Variants in KSR1 observed in about 807,000 individuals in gnomAD.
The protein encoded by KSR1 is kinase suppressor of ras.
Under a neutral mutation model 92.9 loss-of-function variants are expected in KSR1, and 35 were observed. The ratio of observed to expected loss-of-function variants is 0.38; its 90% CI spans 0.29 to 0.50. The LOEUF (loss-of-function observed/expected upper bound fraction) is 0.50. Among genes scored for constraint, KSR1 ranks in the 20% least tolerant of loss-of-function variants. The probability of loss-of-function intolerance (pLI) is 0.94; values close to 1 mark genes in which losing one functional copy is unlikely to be tolerated. For synonymous variants in KSR1, 467 were observed against 472.6 expected (o/e 0.99, Z 0.15); for missense variants, 972 against 1,158.5 (o/e 0.84, Z 2.34).
chr17:27,604,900 G>C (rs972540238), intron 13 of KSR1, among the ~76,000 whole-genome samples, 172 bp downstream of exon 13: 8 of 152,196 alleles, frequency 5.3e-5, no homozygotes, highest in Non-Finnish European at 1.2e-4. Flanking sequence ...ATGCAATGGA[G>C]CAAGCTTGTC....
chr17:27,467,922 C>T (rs1464203635), intron 1 of KSR1, among the ~76,000 whole-genome samples: 1 of 151,724 alleles, frequency 6.6e-6, no homozygotes, highest in Non-Finnish European at 1.5e-5. Flanking sequence ...TTCCATTCTC[C>T]TGCCACAGCC....
At chr17:27,595,861 A>G (rs2073328652) in intron 9 of KSR1, among the ~76,000 whole-genome samples, 2 of 152,020 alleles carry the variant, frequency 1.3e-5, no homozygotes, top group Admixed American at 1.3e-4. Flanking sequence ...GGCCACAGGC[A>G]TCCTGAAGCC....
At chr17:27,560,010 G>GCA (rs2071757413) in intron 2 of KSR1, among the ~76,000 whole-genome samples, 1 of 152,250 alleles carries the variant, frequency 6.6e-6, no homozygotes, top group Admixed American at 6.5e-5. Context: ...CAAGAAGGCT[G>GCA]CATTCACATG....
intron 18 of KSR1, among the ~76,000 whole-genome samples, chr17:27,615,513 T>G (rs1256255053): frequency 6.6e-6 from 1 of 152,248 alleles, no homozygotes; most frequent in Non-Finnish European, 1.5e-5. Flanking sequence ...CTTCTTGCCT[T>G]TTCTTATTGC....
At chr17:27,543,520 C>G (rs1268485907) in intron 1 of KSR1, among the ~76,000 whole-genome samples, 1 of 152,224 alleles carries the variant, frequency 6.6e-6, no homozygotes, top group East Asian at 1.9e-4. Context: ...GTGGCACGTG[C>G]TTCTCCTTGG....
At chr17:27,486,916 T>C (rs2068682225) in intron 1 of KSR1, among the ~76,000 whole-genome samples, 1 of 152,218 alleles carries the variant, frequency 6.6e-6, no homozygotes, top group African/African-American at 2.4e-5. Context: ...GCAGTGTCTT[T>C]AGCTGTAAAA....
chr17:27,485,334 A>C (rs531983935), intron 1 of KSR1, among the ~76,000 whole-genome samples: 2 of 152,146 alleles, frequency 1.3e-5, no homozygotes, highest in South Asian at 4.2e-4. Context: ...TGTGTTTGGA[A>C]CTGCTGGGGA....
intron 1 of KSR1, among the ~76,000 whole-genome samples, chr17:27,476,033 A>G (rs1226159909): frequency 6.6e-6 from 1 of 152,186 alleles, no homozygotes; most frequent in Admixed American, 6.5e-5. Flanking sequence ...AAATTCCTTT[A>G]TTATTGCTAT....
Position 27,456,544 on chromosome 17 carries a change from G to A in KSR1, c.-100G>A. 4.8e-6 allele frequency: 2 copies of A among 419,220 alleles called. No homozygotes were observed. Among genetic ancestry groups the A allele is most frequent in the Non-Finnish European group, 8.3e-6 (2 of 241,780 alleles). 26.0% of individuals were successfully genotyped at this position (419,220 alleles called of 1,614,324 possible). ...GGCGTCCCGGCTCGGGCAGCGCCGA[G>A]GGGCGCTCCTGGTCCAGCTCTCCTG... is the stretch of plus-strand genomic sequence containing the variant. On this transcript the variant is annotated 5_prime_UTR_variant, in exon 1 of 21. Transcript: ENST00000644974.
chr17:27,574,085 A>C (rs193110688), intron 2 of KSR1, among the ~76,000 whole-genome samples: 35 of 152,262 alleles, frequency 2.3e-4, no homozygotes, highest in African/African-American at 7.5e-4. Context: ...ACAGCCTTGG[A>C]GTATGTGGTG....
chr17:27,514,202 C>T (rs900800525), intron 1 of KSR1, among the ~76,000 whole-genome samples: 2 of 152,230 alleles, frequency 1.3e-5, no homozygotes, highest in Admixed American at 6.5e-5. Context: ...CAGTAAATAA[C>T]ACTCGGTCAG....
chr17:27,473,716 G>A (rs945243271), intron 1 of KSR1, among the ~76,000 whole-genome samples: 2 of 152,122 alleles, frequency 1.3e-5, no homozygotes, highest in Non-Finnish European at 2.9e-5. Context: ...AGAAGGTGAC[G>A]AGTCCCTGGG....
At chr17:27,543,043 C>T (rs967929969) in intron 1 of KSR1, among the ~76,000 whole-genome samples, 2 of 152,196 alleles carry the variant, frequency 1.3e-5, no homozygotes, top group Non-Finnish European at 2.9e-5. Context: ...AAACAGGAGG[C>T]GTGGCTCATC....
rs139356277 is a variant in KSR1 at position 27,463,006 on chromosome 17, A to G, written c.231+6132A>G. 7.2e-4 allele frequency among the ~76,000 whole-genome samples: 109 copies of G among 152,302 alleles called. 1 individual carries two copies. The East Asian group carries it at 0.013, about 18-fold the overall frequency. ...TGTGTGGGCCATTCAGGCTGTTTCC[A>G]AGTCTTGCTTTTATAAATGGTGCTG... is the stretch of plus-strand genomic sequence containing the variant. On this transcript the variant is annotated intron_variant, in intron 1 of 20. Transcript: ENST00000644974.
chr17:27,618,600 C>G (rs940352417), intron 19 of KSR1, among the ~76,000 whole-genome samples: 2 of 152,234 alleles, frequency 1.3e-5, no homozygotes, highest in Non-Finnish European at 2.9e-5. Context: ...CATCTCAGCT[C>G]TGCCGTCGCA....
intron 18 of KSR1, among the ~76,000 whole-genome samples, chr17:27,616,393 C>T (rs2074055665): frequency 6.6e-6 from 1 of 152,158 alleles, no homozygotes; most frequent in African/African-American, 2.4e-5. Context: ...TGTTTCAGTT[C>T]AGAAATTATA....
intron 1 of KSR1, among the ~76,000 whole-genome samples, chr17:27,488,938 T>C (rs1223468472): frequency 6.6e-6 from 1 of 152,220 alleles, no homozygotes; most frequent in Non-Finnish European, 1.5e-5. Flanking sequence ...CACTCCAGCC[T>C]GGCGACAGAG....
intron 1 of KSR1, among the ~76,000 whole-genome samples, chr17:27,505,028 C>T (rs542597273): frequency 6.6e-6 from 1 of 152,278 alleles, no homozygotes; most frequent in East Asian, 1.9e-4. Context: ...GAAAGATGCC[C>T]TTATGGGTCA....
intron 1 of KSR1, among the ~76,000 whole-genome samples, chr17:27,549,243 G>C (rs76288847): frequency 6.6e-6 from 1 of 152,198 alleles, no homozygotes; most frequent in Non-Finnish European, 1.5e-5. Context: ...ATTTTGGGGG[G>C]ACACTTGGAA....
Sources: gnomAD v4.1 joint callset for allele counts (sites outside exome capture counted in the v4.1 genomes callset) on GRCh38, gnomAD v4.1.1 for gene constraint, MANE v1.5 for transcripts, NCBI Gene and HGNC (gene_info 2026-07-23, HGNC 2026-07-21) for gene names.